The following VPS53 variants were observed in gnomAD, a reference collection of about 807,000 sequenced individuals.
VPS53 encodes the protein vacuolar protein sorting-associated protein 53 homolog.
A neutral mutation model predicts 107.0 loss-of-function variants in VPS53; 70 were observed. The ratio of observed to expected loss-of-function variants is 0.65; its 90% CI spans 0.54 to 0.80. The LOEUF (loss-of-function observed/expected upper bound fraction) is 0.80, where lower values mean the gene tolerates loss of function less well. Ranked by LOEUF, VPS53 falls within the 30% of genes least tolerant of loss-of-function variation. The probability of loss-of-function intolerance (pLI) is 0.00; values close to 1 mark genes in which losing one functional copy is unlikely to be tolerated. For missense variants in VPS53, 917 were observed against 1,049.4 expected, an observed-to-expected ratio of 0.87 and a Z score of 1.74; for synonymous variants, 409 against 393.3, an observed-to-expected ratio of 1.04 and a Z score of -0.47.
chr17:702,840 G>A (rs1481064522), intron 2 of VPS53, among the ~76,000 whole-genome samples: 1 of 152,062 alleles, frequency 6.6e-6, no homozygotes, highest in Non-Finnish European at 1.5e-5. Flanking sequence ...GCACTTCACA[G>A]AAATTATTTC....
At chr17:526,829 T>TG (rs1909156962) in intron 19 of VPS53, among the ~76,000 whole-genome samples, 1 of 152,170 alleles carries the variant, frequency 6.6e-6, no homozygotes, top group African/African-American at 2.4e-5. Flanking sequence ...CTACAATTCT[T>TG]GGGGACATGA....
intron 19 of VPS53, chr17:522,953 T>G (rs1048856237): frequency 6.6e-6 from 1 of 152,196 alleles, no homozygotes; most frequent in Admixed American, 6.5e-5. Context: ...CGGACGGGGT[T>G]AGACAAAAGT....
chr17:668,041 G>A (rs370781812), intron 4 of VPS53, among the ~76,000 whole-genome samples: 5 of 152,078 alleles, frequency 3.3e-5, no homozygotes, highest in Non-Finnish European at 7.4e-5. Flanking sequence ...AAAACTGCTC[G>A]CTGGTGCCAA....
At chr17:536,968 A>G in intron 18 of VPS53, 60 bp downstream of exon 18, 1 of 1,593,746 alleles carries the variant, frequency 6.3e-7, no homozygotes, top group Admixed American at 1.7e-5. Flanking sequence ...AAACTGTTCT[A>G]AAACATAAAG....
At chr17:547,033 C>T (rs893913968) in intron 17 of VPS53, among the ~76,000 whole-genome samples, 1 of 152,082 alleles carries the variant, frequency 6.6e-6, no homozygotes, top group Non-Finnish European at 1.5e-5. Context: ...CACGCTACCA[C>T]ACCCGGCTAA....
chr17:531,311 G>T (rs1909519590), intron 19 of VPS53, among the ~76,000 whole-genome samples: 1 of 152,272 alleles, frequency 6.6e-6, no homozygotes, highest in East Asian at 1.9e-4. Flanking sequence ...AACTGGCCTG[G>T]GGTCTGATTA....
chr17:687,633 G>T (rs1365204066), intron 4 of VPS53, among the ~76,000 whole-genome samples: 1 of 152,146 alleles, frequency 6.6e-6, no homozygotes, highest in African/African-American at 2.4e-5. Flanking sequence ...AGCTACTCGG[G>T]ACGCTGAAGT....
At chr17:528,469 A>G (rs1253667478) in intron 19 of VPS53, among the ~76,000 whole-genome samples, 1 of 152,180 alleles carries the variant, frequency 6.6e-6, no homozygotes, top group Non-Finnish European at 1.5e-5. Context: ...TTGTATGGAT[A>G]GACCACATTT....
intron 4 of VPS53, among the ~76,000 whole-genome samples, chr17:666,088 T>C (rs114610272): frequency 5.3e-4 from 81 of 152,200 alleles, no homozygotes; most frequent in African/African-American, 1.9e-3. Context: ...AGAGAGGTGA[T>C]AGGTTGGGAT....
At chr17:663,219 G>C (rs1850029724) in intron 4 of VPS53, among the ~76,000 whole-genome samples, 1 of 152,108 alleles carries the variant, frequency 6.6e-6, no homozygotes, top group African/African-American at 2.4e-5. Flanking sequence ...CAAGCAAAAA[G>C]CTAATGGTGA....
At chr17:669,785 G>A (rs1384320966) in intron 4 of VPS53, among the ~76,000 whole-genome samples, 3 of 150,938 alleles carry the variant, frequency 2.0e-5, no homozygotes, top group Admixed American at 1.3e-4. Context: ...CCAGCTACTC[G>A]GGAGGCTGAG....
intron 12 of VPS53, among the ~76,000 whole-genome samples, chr17:595,442 G>C (rs71355276): frequency 3.9e-4 from 23 of 59,558 alleles, no homozygotes; most frequent in South Asian, 9.8e-4. Flanking sequence ...TCAATTTCCT[G>C]GTTTGATGAT....
chr17:599,122 G>A (rs1968182932), intron 12 of VPS53, among the ~76,000 whole-genome samples: 1 of 148,134 alleles, frequency 6.8e-6, no homozygotes, highest in African/African-American at 2.5e-5. Flanking sequence ...CGTCCGGGAG[G>A]GAGGTGGGGG....
chr17:686,703 C>G (rs1339885779), intron 4 of VPS53, among the ~76,000 whole-genome samples: 1 of 152,120 alleles, frequency 6.6e-6, no homozygotes, highest in Admixed American at 6.5e-5. Flanking sequence ...ATGGAGCTGA[C>G]GGAAAAGCCA....
intron 12 of VPS53, among the ~76,000 whole-genome samples, chr17:597,548 A>G (rs1968033472): frequency 6.6e-6 from 1 of 152,048 alleles, no homozygotes; most frequent in Non-Finnish European, 1.5e-5. Context: ...TAGGGGGTTT[A>G]GTTGTTTCTT....
intron 4 of VPS53, among the ~76,000 whole-genome samples, chr17:683,997 G>A (rs1228023716): frequency 6.6e-6 from 1 of 152,220 alleles, no homozygotes; most frequent in African/African-American, 2.4e-5. Context: ...AGGATGTGAG[G>A]AAGAGGTCAG....
intron 7 of VPS53, among the ~76,000 whole-genome samples, chr17:634,195 A>C (rs924441905): frequency 1.3e-5 from 2 of 151,072 alleles, no homozygotes; most frequent in Non-Finnish European, 1.5e-5. Flanking sequence ...CAGAAAGGAG[A>C]GCCTCTGGCC....
intron 7 of VPS53, among the ~76,000 whole-genome samples, chr17:652,873 A>T (rs1253696953): frequency 6.6e-6 from 1 of 152,182 alleles, no homozygotes; most frequent in African/African-American, 2.4e-5. Flanking sequence ...AAGACATGGG[A>T]AGGGGTAAAG....
chr17:608,594 T>C (rs1391167121), intron 11 of VPS53, among the ~76,000 whole-genome samples: 1 of 151,784 alleles, frequency 6.6e-6, no homozygotes, highest in Admixed American at 6.6e-5. Flanking sequence ...TATATAGCTA[T>C]TTCTGCTTTT....
Sources: allele counts gnomAD v4.1 joint callset (sites outside exome capture counted in the v4.1 genomes callset), GRCh38; gene constraint gnomAD v4.1.1; transcripts MANE v1.5; gene names NCBI Gene and HGNC (gene_info 2026-07-23, HGNC 2026-07-21).